VAV1: variants seen among roughly 807,000 people sequenced by gnomAD.
The protein encoded by VAV1 is proto-oncogene vav.
VAV1 carries 33 observed loss-of-function variants against 128.1 expected under a neutral mutation model. That is an observed-to-expected ratio of 0.26 (90% CI 0.20 to 0.34). VAV1 has a LOEUF of 0.34. Ranked by LOEUF, VAV1 falls within the 10% of genes least tolerant of loss-of-function variation. The pLI is 1.00. For synonymous variants in VAV1, 394 were observed against 409.8 expected (o/e 0.96, Z 0.47); for missense variants, 715 against 1,093.7 (o/e 0.65, Z 4.88).
chr19:6,786,681 G>T (rs974478481), intron 1 of VAV1, among the ~76,000 whole-genome samples: 2 of 152,090 alleles, frequency 1.3e-5, no homozygotes, highest in Non-Finnish European at 2.9e-5. Flanking sequence ...TACTCAAGAG[G>T]CTGAGGTGGA....
intron 1 of VAV1, among the ~76,000 whole-genome samples, chr19:6,816,878 C>T (rs909432847): frequency 1.3e-5 from 2 of 151,628 alleles, no homozygotes; most frequent in Non-Finnish European, 2.9e-5. Flanking sequence ...GTGGGAGAAC[C>T]GCTTGAACCT....
intron 1 of VAV1, among the ~76,000 whole-genome samples, chr19:6,814,675 T>TTCCTTCCTTTCTTC (rs1568299213): frequency 1.2e-4 from 9 of 77,158 alleles, no homozygotes; most frequent in South Asian, 8.8e-4. Flanking sequence ...TTCCTTCCTT[T>TTCCTTCCTTTCTTC]CTTTCTTTCT....
intron 1 of VAV1, among the ~76,000 whole-genome samples, chr19:6,814,670 TCC>T (rs1568299180): frequency 3.1e-5 from 3 of 98,168 alleles, no homozygotes; most frequent in East Asian, 2.6e-4. Context: ...CTTCCTTCCT[TCC>T]TTTCTTTCTT....
intron 1 of VAV1, among the ~76,000 whole-genome samples, chr19:6,804,828 A>G (rs1971354777): frequency 6.7e-6 from 1 of 148,262 alleles, no homozygotes; most frequent in African/African-American, 2.5e-5. Flanking sequence ...CGTTCACGCC[A>G]TTCTCCTGCT....
intron 14 of VAV1, among the ~76,000 whole-genome samples, chr19:6,830,983 A>G (rs1055450773): frequency 2.0e-5 from 3 of 152,076 alleles, no homozygotes; most frequent in Non-Finnish European, 4.4e-5. Context: ...CCCTAGCTAC[A>G]TGGGAGGCTG....
intron 26 of VAV1, among the ~76,000 whole-genome samples, chr19:6,856,386 A>G (rs1427233804): frequency 3.3e-5 from 5 of 152,010 alleles, no homozygotes; most frequent in South Asian, 2.1e-4. Flanking sequence ...CAAATGATAC[A>G]TAATGAATCA....
chr19:6,812,395 C>G (rs989102484), intron 1 of VAV1, among the ~76,000 whole-genome samples: 2 of 152,158 alleles, frequency 1.3e-5, no homozygotes, highest in African/African-American at 4.8e-5. Flanking sequence ...TGGTTCACAC[C>G]TGTGATCCCA....
intron 19 of VAV1, among the ~76,000 whole-genome samples, chr19:6,834,952 G>C (rs938008826): frequency 6.6e-6 from 1 of 151,446 alleles, no homozygotes; most frequent in African/African-American, 2.4e-5. Flanking sequence ...AATTAGCGGG[G>C]TTCTTGCTTG....
intron 1 of VAV1, among the ~76,000 whole-genome samples, chr19:6,818,000 G>A (rs1054668746): frequency 9.2e-5 from 14 of 152,020 alleles, no homozygotes; most frequent in African/African-American, 3.4e-4. Flanking sequence ...ATTTGTTTTT[G>A]TAGAAATGGG....
intron 9 of VAV1, 124 bp from the exon 10 acceptor site, chr19:6,827,952 A>G (rs1971958726): frequency 1.9e-5 from 15 of 776,596 alleles, no homozygotes; most frequent in Non-Finnish European, 2.5e-5. Context: ...GGCCTCTAGA[A>G]AAATTCCCAC....
At chr19:6,825,236 AC>A in intron 7 of VAV1, 66 bp from the exon 8 acceptor site, 1 of 1,579,420 alleles carries the variant, frequency 6.3e-7, no homozygotes, top group Non-Finnish European at 8.7e-7. Flanking sequence ...CGGGTGGATG[AC>A]CCTTTCCTTC....
At chr19:6,833,496 T>C (rs1972140398) in intron 16 of VAV1, 32 bp from the exon 17 acceptor site, 3 of 1,561,488 alleles carry the variant, frequency 1.9e-6, no homozygotes, top group Non-Finnish European at 2.6e-6. Context: ...TAAAGGTCAC[T>C]CGCTCTTCTT....
intron 1 of VAV1, among the ~76,000 whole-genome samples, chr19:6,806,863 C>G (rs1445808873): frequency 6.6e-6 from 1 of 152,198 alleles, no homozygotes; most frequent in Non-Finnish European, 1.5e-5. Flanking sequence ...TCCACCATCC[C>G]TCATTGATTT....
intron 1 of VAV1, chr19:6,784,191 C>T (rs1223204421): frequency 1.6e-6 from 1 of 624,776 alleles, no homozygotes; most frequent in Non-Finnish European, 2.9e-6. Flanking sequence ...GAGTTTGATG[C>T]TGCAGTGAGC....
chr19:6,793,394 G>A (rs1353244941), intron 1 of VAV1, among the ~76,000 whole-genome samples: 4 of 152,020 alleles, frequency 2.6e-5, no homozygotes, highest in African/African-American at 4.8e-5. Context: ...AAAGCAGAGG[G>A]AGCCAAGACA....
intron 23 of VAV1, among the ~76,000 whole-genome samples, chr19:6,849,076 A>G (rs925613816): frequency 6.7e-6 from 1 of 148,386 alleles, no homozygotes; most frequent in African/African-American, 2.5e-5. Context: ...GTGAGCCACT[A>G]CATCCCACCT....
intron 1 of VAV1, among the ~76,000 whole-genome samples, chr19:6,774,002 C>A (rs1239850661): frequency 6.6e-6 from 1 of 152,060 alleles, no homozygotes; most frequent in Non-Finnish European, 1.5e-5. Flanking sequence ...GCTGGCCCTG[C>A]AGATGAAGAG....
Position 6,843,696 on chromosome 19 carries a change from G to C in VAV1, c.2012+530G>C, listed in dbSNP as rs151026997. 2.0e-5 allele frequency among the ~76,000 whole-genome samples: 3 copies of C among 152,244 alleles called. No individual in the cohort carries two copies. The East Asian group carries it at 5.8e-4, about 29-fold the overall frequency. On this transcript the variant is annotated intron_variant, in intron 22 of 26. Coordinates refer to ENST00000602142, the MANE Select transcript of VAV1 (RefSeq NM_005428.4). ...AGTATCTACTTCATAGTGTTTTTAG[G>C]AGGCGTAAATGAGTCTGTCAAGTGC...
At chr19:6,854,942 G>A (rs979284099) in intron 26 of VAV1, among the ~76,000 whole-genome samples, 2 of 152,156 alleles carry the variant, frequency 1.3e-5, no homozygotes, top group Non-Finnish European at 1.5e-5. Flanking sequence ...GGTGAGAGGT[G>A]CCTAATCAGT....
Sources: allele counts gnomAD v4.1 joint callset (sites outside exome capture counted in the v4.1 genomes callset), GRCh38; gene constraint gnomAD v4.1.1; transcripts MANE v1.5; gene names NCBI Gene and HGNC (gene_info 2026-07-23, HGNC 2026-07-21).